IL17RA: variants seen among roughly 807,000 people sequenced by gnomAD.
IL17RA encodes interleukin 17 receptor A.
A neutral mutation model predicts 50.4 loss-of-function variants in IL17RA; 34 were observed. That is an observed-to-expected ratio of 0.67 (90% CI 0.51 to 0.90). The LOEUF (loss-of-function observed/expected upper bound fraction) is 0.90, where lower values mean the gene tolerates loss of function less well. Among genes scored for constraint, IL17RA ranks in the 40% least tolerant of loss-of-function variants. The probability of loss-of-function intolerance (pLI) is 0.00; values close to 1 mark genes in which losing one functional copy is unlikely to be tolerated. For missense variants in IL17RA, 1,276 were observed against 1,169.8 expected (o/e 1.09, Z -1.32); for synonymous variants, 585 against 510.4 (o/e 1.15, Z -1.97).
chr22:17,085,327 G>C, intron 1 of IL17RA, 98 bp downstream of exon 1: 1 of 1,506,088 alleles, frequency 6.6e-7, no homozygotes, highest in African/African-American at 1.4e-5. Context: ...CCCGGGCTGG[G>C]GAGGCAGGAA....
intron 5 of IL17RA, among the ~76,000 whole-genome samples, chr22:17,101,264 G>C (rs1601343704): frequency 6.6e-6 from 1 of 152,316 alleles, no homozygotes; most frequent in Non-Finnish European, 1.5e-5. Context: ...ATAATCTCCA[G>C]AACCTCACGA....
intron 4 of IL17RA, among the ~76,000 whole-genome samples, chr22:17,100,044 G>T (rs1287534933): frequency 6.6e-6 from 1 of 150,776 alleles, no homozygotes; most frequent in African/African-American, 2.4e-5. Flanking sequence ...CATTGTCCTA[G>T]AATTTGAGAG....
Position 17,109,255 on chromosome 22 carries a change from C to G in IL17RA, c.2036C>G (p.Ala679Gly). The change falls in exon 13 of 13, where the codon GCC becomes GGC. Residue 679 changes from alanine to glycine, a missense_variant. By Grantham distance (60) the Ala-to-Gly change is moderately conservative (BLOSUM62 0). Coordinates refer to ENST00000319363, the MANE Select transcript of IL17RA (RefSeq NM_014339.7). ...VLAAEEGALVAAVEPGPLADG... is the reference protein window; with the variant it reads ...VLAAEEGALVGAVEPGPLADG... Reference sequence around the variant, plus strand: ...GCCGCAGAGGAGGGGGCCCTGGTGGCCGCGGTGGAGCCTGGGCCCCTGGCT... The same window carrying G: ...GCCGCAGAGGAGGGGGCCCTGGTGGGCGCGGTGGAGCCTGGGCCCCTGGCT... 2.0e-6 allele frequency: 3 copies of G among 1,494,316 alleles called. No individual in the cohort carries two copies. The highest frequency in any genetic ancestry group is 2.7e-6 in the Non-Finnish European group (3 of 1,127,982). 92.6% of individuals were successfully genotyped at this position (1,494,316 alleles called of 1,614,324 possible). A position where few individuals can be genotyped will look rare whatever the true frequency, so the allele number is the denominator to read the frequency against.
chr22:17,104,811 G>A lies in IL17RA; in HGVS notation c.931+1G>A. Reference sequence around the variant, plus strand: ...TGCCCAGAAATGCCAGACACTCCAGGTAGGGGACATGCGGCTGTCCTAGGC... The same window carrying A: ...TGCCCAGAAATGCCAGACACTCCAGATAGGGGACATGCGGCTGTCCTAGGC... On this transcript the variant is annotated splice_donor_variant, in intron 9 of 12. Coordinates refer to ENST00000319363, the MANE Select transcript of IL17RA (RefSeq NM_014339.7). LOFTEE classifies it high-confidence loss of function. 1 of 1,614,004 alleles carries A rather than the reference G, an allele frequency of 6.2e-7. No individual in the cohort carries two copies. Among genetic ancestry groups the A allele is most frequent in the Non-Finnish European group, 8.5e-7 (1 of 1,179,894 alleles).
At position 17,109,823 on chromosome 22, in the gene IL17RA, G is replaced by C; in HGVS notation, c.*3G>C. On this transcript the variant is annotated 3_prime_UTR_variant, in exon 13 of 13. Transcript: ENST00000319363. Reference sequence around the variant, plus strand: ...AGTCAGAGGGGCCCAGTGCATGAGGGCGGCTCCCCAGGGACCGCCCAGATC... The same window carrying C: ...AGTCAGAGGGGCCCAGTGCATGAGGCCGGCTCCCCAGGGACCGCCCAGATC... 6.5e-7 allele frequency: 1 copy of C among 1,548,918 alleles called. No homozygotes were observed. The highest frequency in any genetic ancestry group is 8.7e-7 in the Non-Finnish European group (1 of 1,147,002).
At position 17,102,416 on chromosome 22, in the gene IL17RA, G is replaced by T. The variant is rs192318930; in HGVS notation, c.762+114G>T. 41 of 1,125,360 alleles carry T rather than the reference G, an allele frequency of 3.6e-5. No individual in the cohort carries two copies. In the African/African-American group the frequency reaches 5.8e-4, roughly 16 times the overall value. The allele number at this position is 1,125,360 out of a possible 1,614,324, so 69.7% of individuals were successfully genotyped here. A position where few individuals can be genotyped will look rare whatever the true frequency, so the allele number is the denominator to read the frequency against. ...CGTTGCTAGAAGCTCGCGACTCAGG[G>T]CTGTGCTTAGTCCATAGTGATCATG... is the stretch of plus-strand genomic sequence containing the variant. On this transcript the variant is annotated intron_variant, in intron 7 of 12. Transcript: ENST00000319363.
At chr22:17,101,543 T>C (rs2061391367) in intron 5 of IL17RA, among the ~76,000 whole-genome samples, 1 of 152,188 alleles carries the variant, frequency 6.6e-6, no homozygotes, top group Non-Finnish European at 1.5e-5. Flanking sequence ...CAGGGCCTGG[T>C]GCATAGTTGG....
intron 11 of IL17RA, 54 bp from the exon 12 acceptor site, chr22:17,107,673 G>C: frequency 6.7e-7 from 1 of 1,498,674 alleles, no homozygotes; most frequent in Non-Finnish European, 9.3e-7. Flanking sequence ...CTGTGAGCTG[G>C]TTTCTATTTC....
intron 1 of IL17RA, among the ~76,000 whole-genome samples, chr22:17,092,067 T>G (rs2061350162): frequency 6.6e-6 from 1 of 152,106 alleles, no homozygotes; most frequent in Non-Finnish European, 1.5e-5. Flanking sequence ...CCCCACCCCT[T>G]TACCCATCAC....
chr22:17,109,327 G>T lies in IL17RA; in HGVS notation c.2108G>T (p.Cys703Phe), dbSNP rs1175984604. 1.3e-6 allele frequency: 2 copies of T among 1,551,076 alleles called. No homozygotes were observed. The highest frequency in any genetic ancestry group is 8.7e-7 in the Non-Finnish European group (1 of 1,152,458). ...RLALAGEGEA[C>F]PLLGSPGAGR... ...GCACTGGCGGGGGAGGGCGAGGCCT[G>T]CCCGCTGCTGGGCAGCCCGGGCGCT... The change falls in exon 13 of 13, where the codon TGC (cysteine) becomes TTC (phenylalanine). Residue 703 changes from cysteine (C) to phenylalanine (F), a missense_variant. Transcript: ENST00000319363.
At chr22:17,101,608 C>G (rs533824179) in intron 5 of IL17RA, among the ~76,000 whole-genome samples, 23 of 152,306 alleles carry the variant, frequency 1.5e-4, no homozygotes, top group Admixed American at 1.4e-3. Context: ...GCTTCTGTTC[C>G]TAAAGTTGAC....
chr22:17,102,259 T>C lies in IL17RA; in HGVS notation c.719T>C (p.Met240Thr), dbSNP rs780107646. ...ATCCTGCTGACCAGTTTTCCGCACA[T>C]GGAGAACCACAGTTGCTTTGAGCAC... ...YQILLTSFPH[M>T]ENHSCFEHMH... is the part of the protein sequence containing the mutation. Residue 240 changes from methionine to threonine, a missense_variant, in exon 7 of 13, where the codon ATG becomes ACG. Coordinates refer to ENST00000319363, the MANE Select transcript of IL17RA (RefSeq NM_014339.7). The C allele has an allele frequency of 1.2e-6, 2 of 1,614,158 alleles. No individual in the cohort carries two copies. Among genetic ancestry groups the C allele is most frequent in the Non-Finnish European group, 1.7e-6 (2 of 1,180,036 alleles).
intron 1 of IL17RA, among the ~76,000 whole-genome samples, chr22:17,090,276 G>C (rs779953921): frequency 1.3e-5 from 2 of 152,060 alleles, no homozygotes; most frequent in Non-Finnish European, 2.9e-5. Context: ...CACCTGCCTC[G>C]GCCTCCCAAA....
chr22:17,091,089 C>G (rs1364874965), intron 1 of IL17RA, among the ~76,000 whole-genome samples: 2 of 152,236 alleles, frequency 1.3e-5, no homozygotes, highest in African/African-American at 4.8e-5. Flanking sequence ...CTGTCATGGT[C>G]TAATCTCCCA....
At position 17,093,851 on chromosome 22, in the gene IL17RA, C is replaced by T. The variant is rs537723947; in HGVS notation, c.139-3211C>T. ...CAAAGTTCTGGGACTTTTTGAGTGA[C>T]CAAGGGGCACACTGCTTGACGTCCC... is the stretch of plus-strand genomic sequence containing the variant. On this transcript the variant is annotated intron_variant, in intron 1 of 12. Transcript: ENST00000319363. 6.6e-4 allele frequency: 102 copies of T among 154,192 alleles called. 2 individuals carry two copies. The South Asian group carries it at 9.4e-3, about 14-fold the overall frequency. The allele number at this position is 154,192 out of a possible 1,614,324, so 9.6% of individuals were successfully genotyped here. A position where few individuals can be genotyped will look rare whatever the true frequency, so the allele number is the denominator to read the frequency against.
intron 1 of IL17RA, among the ~76,000 whole-genome samples, chr22:17,094,714 T>TATATATATATATATATAG: frequency 8.5e-6 from 1 of 118,028 alleles, no homozygotes; most frequent in Non-Finnish European, 1.7e-5. Flanking sequence ...TATATATATA[T>TATATATATATATATATAG]ATATTCAGGG....
chr22:17,088,411 C>T (rs9618981), intron 1 of IL17RA, among the ~76,000 whole-genome samples: 8,588 of 151,962 alleles, frequency 0.057, 784 homozygotes, highest in African/African-American at 0.2. Flanking sequence ...CTCCGCCTCC[C>T]GAGTTCAAGC....
At chr22:17,092,526 G>A (rs181341737) in intron 1 of IL17RA, among the ~76,000 whole-genome samples, 2 of 152,248 alleles carry the variant, frequency 1.3e-5, no homozygotes, top group East Asian at 3.9e-4. Context: ...GAATTAAATT[G>A]GAGGATACCC....
Position 17,100,457 on chromosome 22 carries a change from C to T in IL17RA, c.526C>T (p.Gln176Ter), listed in dbSNP as rs2061386857. ...CATCCCTGATGGGGACCCAAACCAC[C>T]AGTCCAAGAATTTCCTTGTGCCTGG... ...KPIPDGDPNH[Q>*]SKNFLVPDCE... Residue 176 changes from glutamine (Q) to a stop codon, truncating the protein, a stop_gained, in exon 5 of 13, where the codon CAG becomes TAG. Coordinates refer to ENST00000319363, the MANE Select transcript of IL17RA (RefSeq NM_014339.7). LOFTEE classifies it high-confidence loss of function. The T allele has an allele frequency of 6.2e-7, 1 of 1,614,164 alleles. No individual in the cohort carries two copies. Among genetic ancestry groups the T allele is most frequent in the East Asian group, 2.2e-5 (1 of 44,882 alleles).
Sources: allele counts gnomAD v4.1 joint callset (sites outside exome capture counted in the v4.1 genomes callset), GRCh38; gene constraint gnomAD v4.1.1; transcripts MANE v1.5; gene names NCBI Gene and HGNC (gene_info 2026-07-23, HGNC 2026-07-21).